PCDH9: variants seen among roughly 807,000 people sequenced by gnomAD.
The protein encoded by PCDH9 is protocadherin-9.
Under a neutral mutation model 70.6 loss-of-function variants are expected in PCDH9, and 24 were observed. The observed-to-expected ratio is 0.34, with a 90% CI of 0.25 to 0.48. PCDH9 has a LOEUF of 0.48. Ranked by LOEUF, PCDH9 falls within the 20% of genes least tolerant of loss-of-function variation. The probability of loss-of-function intolerance (pLI) is 0.99; values close to 1 mark genes in which losing one functional copy is unlikely to be tolerated. For missense variants in PCDH9, 1,281 were observed against 1,503.6 expected (o/e 0.85, Z 2.45); for synonymous variants, 562 against 558.5 (o/e 1.01, Z -0.09).
At position 66,839,777 on chromosome 13, in the gene PCDH9, T is replaced by C. The variant is rs945472950; in HGVS notation, c.3138+63727A>G. On this transcript the variant is annotated intron_variant, in intron 3 of 4. Coordinates refer to ENST00000377865, the MANE Select transcript of PCDH9 (RefSeq NM_203487.3). ...TGCATCGTAAAGCTCTTGACTGGTGTGCTATCCCACCTCCAAACACTTGTC... is the reference window on the plus strand; with the variant it reads ...TGCATCGTAAAGCTCTTGACTGGTGCGCTATCCCACCTCCAAACACTTGTC... 1.2e-4 allele frequency among the ~76,000 whole-genome samples: 18 copies of C among 152,188 alleles called. 2 individuals carry two copies. The highest frequency in any genetic ancestry group is 4.3e-4 in the African/African-American group (18 of 41,434).
At chr13:66,312,865 G>A (rs1020367722) in intron 4 of PCDH9, among the ~76,000 whole-genome samples, 1 of 152,174 alleles carries the variant, frequency 6.6e-6, no homozygotes, top group Non-Finnish European at 1.5e-5. Flanking sequence ...TTCTCATACA[G>A]ATTTCTTCCT....
intron 4 of PCDH9, among the ~76,000 whole-genome samples, chr13:66,381,095 A>G (rs188871462): frequency 1.3e-5 from 2 of 152,320 alleles, no homozygotes; most frequent in East Asian, 1.9e-4. Flanking sequence ...GTTTGAAATT[A>G]TATTTCAAAA....
chr13:66,366,160 A>G (rs1956550692), intron 4 of PCDH9, among the ~76,000 whole-genome samples: 1 of 152,040 alleles, frequency 6.6e-6, no homozygotes, highest in Admixed American at 6.6e-5. Flanking sequence ...TGGGCTTTAG[A>G]TTGAACCTAG....
At position 66,316,133 on chromosome 13, in the gene PCDH9, A is replaced by G. The variant is rs865870682; in HGVS notation, c.3341-11105T>C. 3.3e-5 allele frequency among the ~76,000 whole-genome samples: 5 copies of G among 151,916 alleles called. No individual in the cohort carries two copies. The South Asian group carries it at 1.0e-3, about 32-fold the overall frequency. On this transcript the variant is annotated intron_variant, in intron 4 of 4. Coordinates refer to ENST00000377865, the MANE Select transcript of PCDH9 (RefSeq NM_203487.3). ...CATCATTCTAACCTCTGCTTCCATC[A>G]TCACATCACCATCTCCTCTGACTCC...
chr13:66,686,377 G>A (rs1357348472), intron 3 of PCDH9, among the ~76,000 whole-genome samples: 2 of 152,076 alleles, frequency 1.3e-5, no homozygotes, highest in African/African-American at 4.8e-5. Flanking sequence ...TAAGTTTCCT[G>A]AGGCCTCCCC....
intron 2 of PCDH9, among the ~76,000 whole-genome samples, chr13:67,190,668 A>C (rs1363597650): frequency 6.6e-6 from 1 of 152,018 alleles, no homozygotes. Flanking sequence ...AAGTGCCCAA[A>C]TACACTAATA....
At chr13:66,443,490 G>A (rs1227280884) in intron 4 of PCDH9, among the ~76,000 whole-genome samples, 1 of 151,820 alleles carries the variant, frequency 6.6e-6, no homozygotes, top group Non-Finnish European at 1.5e-5. Flanking sequence ...CAATAAACTA[G>A]CATTATAAAT....
intron 4 of PCDH9, among the ~76,000 whole-genome samples, chr13:66,604,948 T>G (rs1209020240): frequency 1.3e-5 from 2 of 152,080 alleles, no homozygotes; most frequent in African/African-American, 4.8e-5. Context: ...AAAGTGGTCA[T>G]GTGCTCATCA....
At chr13:67,020,962 C>G (rs75683509) in intron 2 of PCDH9, among the ~76,000 whole-genome samples, 1 of 152,044 alleles carries the variant, frequency 6.6e-6, no homozygotes, top group Non-Finnish European at 1.5e-5. Flanking sequence ...TAAACAAGAC[C>G]ATTCAAACAA....
chr13:66,741,881 T>C (rs1388926621), intron 3 of PCDH9, among the ~76,000 whole-genome samples: 14 of 146,230 alleles, frequency 9.6e-5, no homozygotes, highest in African/African-American at 2.3e-4. Flanking sequence ...TGCTCATGGG[T>C]AGGAAGAATC....
intron 3 of PCDH9, among the ~76,000 whole-genome samples, chr13:66,739,893 G>C (rs2079227812): frequency 1.4e-5 from 2 of 141,454 alleles, no homozygotes; most frequent in Non-Finnish European, 3.1e-5. Context: ...TTAATAATGG[G>C]AGACTTTAAC....
intron 2 of PCDH9, among the ~76,000 whole-genome samples, chr13:66,941,119 T>A (rs893257822): frequency 6.6e-6 from 1 of 151,868 alleles, no homozygotes; most frequent in African/African-American, 2.4e-5. Context: ...AAATTAGAAC[T>A]TACAGTATTT....
At chr13:66,699,628 A>G (rs1303828479) in intron 3 of PCDH9, among the ~76,000 whole-genome samples, 1 of 152,148 alleles carries the variant, frequency 6.6e-6, no homozygotes, top group African/African-American at 2.4e-5. Flanking sequence ...GCTGGGAGAG[A>G]GACATGAAAG....
intron 3 of PCDH9, among the ~76,000 whole-genome samples, chr13:66,821,023 T>G (rs78494659): frequency 0.011 from 1,706 of 152,236 alleles, 28 homozygotes; most frequent in African/African-American, 0.039. Flanking sequence ...TTCCCTCCTT[T>G]GACAAAATTA....
At chr13:67,026,853 AC>A (rs1408652510) in intron 2 of PCDH9, among the ~76,000 whole-genome samples, 1 of 152,284 alleles carries the variant, frequency 6.6e-6, no homozygotes, top group African/African-American at 2.4e-5. Flanking sequence ...AATCCAACTT[AC>A]AAGGGACGTG....
chr13:66,519,843 A>G (rs1180355544), intron 4 of PCDH9, among the ~76,000 whole-genome samples: 1 of 152,168 alleles, frequency 6.6e-6, no homozygotes, highest in African/African-American at 2.4e-5. Flanking sequence ...CTAGCTTTAC[A>G]GACTTTGAGC....
chr13:66,780,421 G>A (rs921119944), intron 3 of PCDH9, among the ~76,000 whole-genome samples: 1 of 152,126 alleles, frequency 6.6e-6, no homozygotes, highest in African/African-American at 2.4e-5. Context: ...CAACCCAGGT[G>A]CAAATGCTGA....
intron 3 of PCDH9, among the ~76,000 whole-genome samples, chr13:66,654,102 G>T (rs1285057249): frequency 6.6e-6 from 1 of 151,938 alleles, no homozygotes; most frequent in African/African-American, 2.4e-5. Context: ...CCCAATATGT[G>T]GTACATAAAC....
In PCDH9 at chr13:66,784,957, T is replaced by C. The variant is rs76741041; in HGVS notation, c.3138+118547A>G. Among the ~76,000 whole-genome samples the C allele has an allele frequency of 2.4e-3, 368 of 152,224 alleles. 10 individuals carry two copies. In the East Asian group the frequency reaches 0.054, roughly 22 times the overall value. ...TTTTTTTAACTTTAAAGGGTTCTTC[T>C]GCATACGATCCTTCCCTTTTATTTT... On this transcript the variant is annotated intron_variant, in intron 3 of 4. Transcript: ENST00000377865.
Sources: gnomAD v4.1 joint callset for allele counts (sites outside exome capture counted in the v4.1 genomes callset) on GRCh38, gnomAD v4.1.1 for gene constraint, MANE v1.5 for transcripts, NCBI Gene and HGNC (gene_info 2026-07-23, HGNC 2026-07-21) for gene names.